Variants in ENTREP1 observed in about 807,000 individuals in gnomAD.
ENTREP1 encodes Friedreich ataxia region gene X123.
At chr9:69,325,806 T>G in the ENTREP1 span, 3 of 1,208,404 alleles carry the variant, frequency 2.5e-6, no homozygotes, top group Non-Finnish European at 3.1e-6. Flanking sequence ...GCCCCTTTGT[T>G]GGCCTCCAGG....
the ENTREP1 span, among the ~76,000 whole-genome samples, chr9:69,365,682 A>C: frequency 6.6e-6 from 1 of 151,702 alleles, no homozygotes; most frequent in Non-Finnish European, 1.5e-5. Context: ...CCCACACCCC[A>C]CATGCACCCA....
the ENTREP1 span, among the ~76,000 whole-genome samples, chr9:69,369,076 C>T: frequency 3.3e-5 from 5 of 152,024 alleles, no homozygotes; most frequent in African/African-American, 9.7e-5. Flanking sequence ...TGAGAACATG[C>T]GGTGTTTGGT....
At chr9:69,358,972 C>T in the ENTREP1 span, among the ~76,000 whole-genome samples, 7 of 141,492 alleles carry the variant, frequency 4.9e-5, no homozygotes, top group East Asian at 4.2e-4. Flanking sequence ...AGCACGATCT[C>T]GGCTGACTGT....
chr9:69,338,814 A>G, the ENTREP1 span, among the ~76,000 whole-genome samples: 1 of 152,066 alleles, frequency 6.6e-6, no homozygotes, highest in Non-Finnish European at 1.5e-5. Flanking sequence ...TTTTTACCCT[A>G]TTGTTGGACA....
chr9:69,391,834 G>A, the ENTREP1 span: 1 of 1,548,630 alleles, frequency 6.5e-7, no homozygotes, highest in Non-Finnish European at 8.8e-7. Context: ...CACTCCAAGG[G>A]GAAGGATCCC....
chr9:69,329,395 G>T, the ENTREP1 span: 4 of 981,528 alleles, frequency 4.1e-6, no homozygotes, highest in Non-Finnish European at 4.8e-6. Context: ...ATTTCCTTAA[G>T]AGAGCCCTGA....
chr9:69,327,212 T>G, the ENTREP1 span, among the ~76,000 whole-genome samples: 2 of 152,202 alleles, frequency 1.3e-5, no homozygotes, highest in Non-Finnish European at 2.9e-5. Flanking sequence ...AAGCCATGAT[T>G]TGTGCCTCAT....
the ENTREP1 span, among the ~76,000 whole-genome samples, chr9:69,390,843 G>A: frequency 6.6e-6 from 1 of 151,854 alleles, no homozygotes; most frequent in Non-Finnish European, 1.5e-5. Context: ...GTCTTGCGAT[G>A]TTGTCCAGGC....
chr9:69,325,563 C>G, the ENTREP1 span: 1 of 1,211,248 alleles, frequency 8.3e-7, no homozygotes, highest in Middle Eastern at 3.2e-4. Flanking sequence ...GCTGCCGCCG[C>G]GGCCCCGGGC....
At chr9:69,388,276 G>A in the ENTREP1 span, 1 of 1,614,142 alleles carries the variant, frequency 6.2e-7, no homozygotes, top group Non-Finnish European at 8.5e-7. Flanking sequence ...CGCGGTCTTT[G>A]ATAGATTACA....
the ENTREP1 span, chr9:69,379,477 C>T: frequency 6.6e-6 from 1 of 152,276 alleles, no homozygotes. Context: ...GTGGCCTCTA[C>T]TGGAATTTCA....
At chr9:69,350,163 T>G in the ENTREP1 span, among the ~76,000 whole-genome samples, 2 of 152,322 alleles carry the variant, frequency 1.3e-5, no homozygotes, top group East Asian at 3.9e-4. Context: ...CCCAAGGTCA[T>G]GAACGCTTAC....
chr9:69,377,352 A>T, the ENTREP1 span: 2 of 1,473,108 alleles, frequency 1.4e-6, no homozygotes, highest in Non-Finnish European at 1.9e-6. Flanking sequence ...TAGTGGTGCC[A>T]TTGTTTCCTT....
the ENTREP1 span, among the ~76,000 whole-genome samples, chr9:69,351,214 A>G: frequency 2.6e-5 from 4 of 152,198 alleles, no homozygotes; most frequent in Non-Finnish European, 5.9e-5. Flanking sequence ...TAGATTACCC[A>G]GTAATCTCTT....
chr9:69,360,744 C>G, the ENTREP1 span, among the ~76,000 whole-genome samples: 1 of 152,064 alleles, frequency 6.6e-6, no homozygotes, highest in Non-Finnish European at 1.5e-5. Context: ...CTTGGGCGTT[C>G]CCTTAACCTC....
the ENTREP1 span, chr9:69,375,863 A>T: frequency 3.1e-6 from 5 of 1,613,504 alleles, no homozygotes. Flanking sequence ...CTTCTACTTA[A>T]GGTACCTCAA....
the ENTREP1 span, among the ~76,000 whole-genome samples, chr9:69,364,648 C>T: frequency 1.3e-5 from 2 of 152,030 alleles, no homozygotes; most frequent in Non-Finnish European, 2.9e-5. Context: ...CTTTATGACT[C>T]CAATATTTTG....
chr9:69,367,596 G>GT, the ENTREP1 span, among the ~76,000 whole-genome samples: 1 of 132,740 alleles, frequency 7.5e-6, no homozygotes, highest in Middle Eastern at 5.8e-3. Flanking sequence ...ATTCCTGGGT[G>GT]TTTTATATAT....
At chr9:69,340,668 T>TGTGTGTGTGC in the ENTREP1 span, among the ~76,000 whole-genome samples, 7 of 142,378 alleles carry the variant, frequency 4.9e-5, no homozygotes, top group African/African-American at 1.8e-4. Flanking sequence ...TGTGTGTGCG[T>TGTGTGTGTGC]GTGTGTGTGC....
Sources: gnomAD v4.1 joint callset for allele counts (sites outside exome capture counted in the v4.1 genomes callset) on GRCh38, gnomAD v4.1.1 for gene constraint, MANE v1.5 for transcripts, NCBI Gene and HGNC (gene_info 2026-07-23, HGNC 2026-07-21) for gene names.